The following MACROD1 variants were observed in gnomAD, a reference collection of about 807,000 sequenced individuals.
The protein encoded by MACROD1 is ADP-ribose glycohydrolase MACROD1.
MACROD1 carries 31 observed loss-of-function variants against 41.4 expected under a neutral mutation model. The observed-to-expected ratio is 0.75, with a 90% CI of 0.56 to 1.01. The LOEUF (loss-of-function observed/expected upper bound fraction) is 1.01, where lower values mean the gene tolerates loss of function less well. Ranked by LOEUF, MACROD1 falls within the 50% of genes least tolerant of loss-of-function variation. MACROD1 has a pLI of 0.00. For synonymous variants in MACROD1, 252 were observed against 203.4 expected (o/e 1.24, Z -2.03); for missense variants, 473 against 460.0 (o/e 1.03, Z -0.26).
At chr11:64,087,682 T>C (rs1402172450) in intron 3 of MACROD1, among the ~76,000 whole-genome samples, 3 of 152,210 alleles carry the variant, frequency 2.0e-5, no homozygotes, top group African/African-American at 7.2e-5. Context: ...TTCACTCTCC[T>C]GTGATGATCT....
Position 64,165,755 on chromosome 11 carries a change from G to C in MACROD1, c.240C>G (p.Pro80=). The C allele has an allele frequency of 6.7e-7, 1 of 1,499,090 alleles. No individual in the cohort carries two copies. The highest frequency in any genetic ancestry group is 8.9e-7 in the Non-Finnish European group (1 of 1,129,038). The allele number at this position is 1,499,090 out of a possible 1,614,324, so 92.9% of individuals were successfully genotyped here. A position where few individuals can be genotyped will look rare whatever the true frequency, so the allele number is the denominator to read the frequency against. ...GRTAGVRTWA[P]LAMAAKVDLS... ...GGTCCACCTTCGCCGCCATGGCCAG[G>C]GGGGCCCAAGTGCGCACCCCGGCTG... is the stretch of plus-strand genomic sequence containing the variant. The change falls in exon 1 of 11, where the codon CCC becomes CCG. Residue 80 remains proline (P), a synonymous_variant. Transcript: ENST00000255681.
intron 3 of MACROD1, among the ~76,000 whole-genome samples, chr11:64,059,562 G>A (rs529273396): frequency 1.1e-4 from 16 of 152,260 alleles, no homozygotes; most frequent in African/African-American, 3.4e-4. Context: ...CTCATCTGGG[G>A]AACAGGCATC....
chr11:64,165,349 G>A (rs1454834566), intron 1 of MACROD1, among the ~76,000 whole-genome samples: 3 of 152,200 alleles, frequency 2.0e-5, no homozygotes, highest in Non-Finnish European at 4.4e-5. Flanking sequence ...TGTGGCACTC[G>A]GCCTCAGTTT....
chr11:64,034,022 C>G (rs891774850), intron 3 of MACROD1, among the ~76,000 whole-genome samples: 3 of 152,214 alleles, frequency 2.0e-5, no homozygotes, highest in Non-Finnish European at 4.4e-5. Context: ...TACAATCATA[C>G]AATCCATTCC....
chr11:64,118,065 T>A lies in MACROD1; in HGVS notation c.517+33174A>T, dbSNP rs1343409773. 7.4e-6 allele frequency: 12 copies of A among 1,612,858 alleles called. No homozygotes were observed. The highest frequency in any genetic ancestry group is 1.3e-5 in the African/African-American group (1 of 74,908). On this transcript the variant is annotated intron_variant, in intron 3 of 10. Coordinates refer to ENST00000255681, the MANE Select transcript of MACROD1 (RefSeq NM_014067.4). ...CCGGGGCAGCAGGAAAAAGGATGAC[T>A]ATATGGAGTCAGGGACCAAGAAGGA...
Position 64,122,939 on chromosome 11 carries a change from A to C in MACROD1, c.517+28300T>G, listed in dbSNP as rs1945121991. On this transcript the variant is annotated intron_variant, in intron 3 of 10. Coordinates refer to ENST00000255681, the MANE Select transcript of MACROD1 (RefSeq NM_014067.4). The surrounding 1 kb of genome is among the most constrained non-coding windows in gnomAD (Gnocchi z 4.0). ...GAGAAAGAGCAGACCCTCCCCCTTG[A>C]AAATGGCAGCTCAAGTCCCAAAGCC... 6.6e-6 allele frequency among the ~76,000 whole-genome samples: 1 copy of C among 152,254 alleles called. No homozygotes were observed. The highest frequency in any genetic ancestry group is 1.5e-5 in the Non-Finnish European group (1 of 68,040).
chr11:64,014,471 G>T (rs1156778292), intron 4 of MACROD1, among the ~76,000 whole-genome samples: 3 of 152,160 alleles, frequency 2.0e-5, no homozygotes, highest in African/African-American at 7.2e-5. Context: ...CCTGGGCCCT[G>T]CCACCGCTGC....
chr11:64,033,294 C>T (rs1314078366), intron 3 of MACROD1, among the ~76,000 whole-genome samples: 2 of 152,248 alleles, frequency 1.3e-5, no homozygotes, highest in Non-Finnish European at 2.9e-5. Flanking sequence ...GACTCCCAGC[C>T]ATATCCCCCG....
At chr11:64,032,788 T>G (rs1219720781) in intron 3 of MACROD1, among the ~76,000 whole-genome samples, 1 of 152,134 alleles carries the variant, frequency 6.6e-6, no homozygotes, top group Non-Finnish European at 1.5e-5. Context: ...GTGATCTTTC[T>G]GACTCTCAGA....
At chr11:64,132,357 G>C (rs1197854862) in intron 3 of MACROD1, among the ~76,000 whole-genome samples, 2 of 150,838 alleles carry the variant, frequency 1.3e-5, no homozygotes, top group Non-Finnish European at 3.0e-5. Flanking sequence ...TCTATGTCCA[G>C]GCTGAGCCAA....
chr11:64,153,145 G>A (rs866439107), intron 1 of MACROD1, among the ~76,000 whole-genome samples: 5 of 152,238 alleles, frequency 3.3e-5, no homozygotes, highest in South Asian at 4.1e-4. Context: ...CATGGGCTCC[G>A]CCTTCCCTTG....
At chr11:64,111,339 T>C (rs1456232729) in intron 3 of MACROD1, among the ~76,000 whole-genome samples, 3 of 152,216 alleles carry the variant, frequency 2.0e-5, no homozygotes, top group Non-Finnish European at 4.4e-5. Context: ...GGGGGCCCCC[T>C]GGCAGAGGTG....
intron 4 of MACROD1, among the ~76,000 whole-genome samples, chr11:64,013,223 C>T (rs1480903903): frequency 1.3e-5 from 2 of 152,016 alleles, no homozygotes; most frequent in Non-Finnish European, 2.9e-5. Context: ...TTATACAGCA[C>T]ATTAGAAGGA....
In MACROD1 at chr11:64,117,092, C is replaced by T. The variant is rs2134620058; in HGVS notation, c.517+34147G>A. 1.9e-6 allele frequency: 3 copies of T among 1,604,628 alleles called. No individual in the cohort carries two copies. The highest frequency in any genetic ancestry group is 1.7e-4 in the Middle Eastern group (1 of 6,048). ...TGCCCAGCGCCCACCTGCAGAAGCT[C>T]TACCTGCAGGACAATGCCATCAGCC... is the stretch of plus-strand genomic sequence containing the variant. On this transcript the variant is annotated intron_variant, in intron 3 of 10. Coordinates refer to ENST00000255681, the MANE Select transcript of MACROD1 (RefSeq NM_014067.4).
chr11:64,160,623 G>A (rs1452752848), intron 1 of MACROD1, among the ~76,000 whole-genome samples: 1 of 151,746 alleles, frequency 6.6e-6, no homozygotes, highest in Non-Finnish European at 1.5e-5. Context: ...CCAGCCTGGG[G>A]CAACATAATG....
intron 3 of MACROD1, among the ~76,000 whole-genome samples, chr11:64,041,286 C>T (rs918682676): frequency 7.4e-5 from 11 of 148,924 alleles, no homozygotes; most frequent in African/African-American, 1.5e-4. Flanking sequence ...CGTGAGGAGC[C>T]GGCATTTATC....
rs187882675 is a variant in MACROD1 at position 64,132,286 on chromosome 11, G to A, written c.517+18953C>T. ...TTAAGCCTATTATGGAGGCTCCCGG[G>A]GCTTATCTGATGCCTTTCTCCACCT... is the stretch of plus-strand genomic sequence containing the variant. On this transcript the variant is annotated intron_variant, in intron 3 of 10. Transcript: ENST00000255681. Among the ~76,000 whole-genome samples the A allele has an allele frequency of 6.6e-5, 10 of 152,194 alleles. No individual in the cohort carries two copies. The East Asian group carries it at 7.7e-4, about 12-fold the overall frequency.
rs996604525 is a variant in MACROD1, at chr11:64,107,740, G to A, written c.517+43499C>T. 9.9e-5 allele frequency among the ~76,000 whole-genome samples: 15 copies of A among 152,266 alleles called. No individual in the cohort carries two copies. The East Asian group carries it at 1.2e-3, about 12-fold the overall frequency. On this transcript the variant is annotated intron_variant, in intron 3 of 10. Transcript: ENST00000255681. ...TGGCTGGCTGGCACCCTGCCCTGGC[G>A]GGAGCTGGGGTTAGAAGGTCCTTGA...
chr11:64,115,779 T>C (rs949725326), intron 3 of MACROD1, among the ~76,000 whole-genome samples: 4 of 152,216 alleles, frequency 2.6e-5, no homozygotes, highest in Admixed American at 2.0e-4. Context: ...ACAGCAGCTA[T>C]GAATCCATAA....
Sources: allele counts gnomAD v4.1 joint callset (sites outside exome capture counted in the v4.1 genomes callset), GRCh38; gene constraint gnomAD v4.1.1; non-coding constraint Gnocchi (gnomAD v3.1); transcripts MANE v1.5; gene names NCBI Gene and HGNC (gene_info 2026-07-23, HGNC 2026-07-21).